Variants in PEBP4 observed in about 807,000 individuals in gnomAD.
PEBP4 encodes the protein phosphatidylethanolamine binding protein 4.
In PEBP4, 22 loss-of-function variants were observed where a neutral mutation model predicts 23.9. That is an observed-to-expected ratio of 0.92 (90% CI 0.66 to 1.31). PEBP4 has a LOEUF of 1.31. PEBP4 is among the 40% of genes most tolerant of loss of function. PEBP4 has a pLI of 0.00. For synonymous variants in PEBP4, 112 were observed against 99.3 expected, an observed-to-expected ratio of 1.13 and a Z score of -0.76; for missense variants, 324 against 281.7, an observed-to-expected ratio of 1.15 and a Z score of -1.07.
chr8:22,766,152 G>T lies in PEBP4; in HGVS notation c.358-38932C>A, dbSNP rs139454417. 1.7e-3 allele frequency among the ~76,000 whole-genome samples: 252 copies of T among 152,350 alleles called. 2 individuals carry two copies. The highest frequency in any genetic ancestry group is 5.8e-3 in the African/African-American group (243 of 41,582). ...CTCCCTTCCTCACCCTCACGCCACAGTCTTGGCCAGTCTTGTCACGGTGAG... is the reference window on the plus strand; with the variant it reads ...CTCCCTTCCTCACCCTCACGCCACATTCTTGGCCAGTCTTGTCACGGTGAG... On this transcript the variant is annotated intron_variant, in intron 4 of 6. Coordinates refer to ENST00000256404, the MANE Select transcript of PEBP4 (RefSeq NM_144962.3).
intron 3 of PEBP4, among the ~76,000 whole-genome samples, chr8:22,890,535 A>G (rs1259814333): frequency 6.6e-6 from 1 of 152,232 alleles, no homozygotes; most frequent in Non-Finnish European, 1.5e-5. Flanking sequence ...TCAAACTCCC[A>G]GCTTCCCCTC....
chr8:22,938,306 G>A (rs753977708), intron 1 of PEBP4, among the ~76,000 whole-genome samples: 1 of 151,920 alleles, frequency 6.6e-6, no homozygotes, highest in Non-Finnish European at 1.5e-5. Flanking sequence ...CCACCTCTAG[G>A]CCTTTTTGCA....
chr8:22,800,287 G>A (rs188909053), intron 4 of PEBP4, among the ~76,000 whole-genome samples: 7 of 152,164 alleles, frequency 4.6e-5, no homozygotes, highest in Admixed American at 1.3e-4. Flanking sequence ...GCAGGAGACA[G>A]AAAGAGAAAT....
chr8:22,713,649 G>C (rs951337092), intron 6 of PEBP4, 113 bp from the exon 7 acceptor site: 1 of 1,449,276 alleles, frequency 6.9e-7, no homozygotes, highest in East Asian at 2.3e-5. Flanking sequence ...CAGGTGATGC[G>C]ATGGCCATGG....
chr8:22,787,906 G>C lies in PEBP4; in HGVS notation c.357+29731C>G, dbSNP rs1256646879. 2.0e-5 allele frequency among the ~76,000 whole-genome samples: 3 copies of C among 152,128 alleles called. No individual in the cohort carries two copies. The East Asian group carries it at 5.8e-4, about 29-fold the overall frequency. On this transcript the variant is annotated intron_variant, in intron 4 of 6. Transcript: ENST00000256404. ...GAAGATCTGGGCAGATGAAGGGGTCGAGGTGAGGGCTGGGGAAGGGAAGGG... is the reference window on the plus strand; with the variant it reads ...GAAGATCTGGGCAGATGAAGGGGTCCAGGTGAGGGCTGGGGAAGGGAAGGG...
intron 6 of PEBP4, among the ~76,000 whole-genome samples, chr8:22,722,494 G>C (rs987116531): frequency 5.9e-5 from 9 of 152,352 alleles, no homozygotes; most frequent in African/African-American, 2.2e-4. Flanking sequence ...GTTCTGGAGG[G>C]AAAGGTATGA....
intron 3 of PEBP4, among the ~76,000 whole-genome samples, chr8:22,832,213 A>G (rs1807098033): frequency 6.6e-6 from 1 of 152,178 alleles, no homozygotes; most frequent in Non-Finnish European, 1.5e-5. Flanking sequence ...TCCAAAATGC[A>G]TGTGTGGAAG....
chr8:22,848,887 C>G (rs1248631494), intron 3 of PEBP4, among the ~76,000 whole-genome samples: 3 of 152,200 alleles, frequency 2.0e-5, no homozygotes, highest in Non-Finnish European at 2.9e-5. Context: ...TGTCTAGTCT[C>G]TAAACTCTTC....
chr8:22,912,343 G>T (rs1207036659), intron 3 of PEBP4, among the ~76,000 whole-genome samples: 1 of 152,212 alleles, frequency 6.6e-6, no homozygotes, highest in African/African-American at 2.4e-5. Flanking sequence ...CTCACTACCG[G>T]AACAGTACCT....
At chr8:22,914,582 C>T (rs1330121331) in intron 3 of PEBP4, among the ~76,000 whole-genome samples, 1 of 152,206 alleles carries the variant, frequency 6.6e-6, no homozygotes, top group Non-Finnish European at 1.5e-5. Context: ...TTCCTGTGGC[C>T]TCACCCAACC....
Position 22,733,261 on chromosome 8 carries a change from T to C in PEBP4, c.358-6041A>G, listed in dbSNP as rs184335221. ...TGAGACGCTCGGCACACAGTGGGTATAGTCCAAGTCCGTGGGCGCCCTGGC... is the reference window on the plus strand; with the variant it reads ...TGAGACGCTCGGCACACAGTGGGTACAGTCCAAGTCCGTGGGCGCCCTGGC... On this transcript the variant is annotated intron_variant, in intron 4 of 6. Transcript: ENST00000256404. Among the ~76,000 whole-genome samples the C allele has an allele frequency of 2.8e-4, 43 of 152,298 alleles. No individual in the cohort carries two copies. In the East Asian group the frequency reaches 8.3e-3, roughly 29 times the overall value.
intron 3 of PEBP4, among the ~76,000 whole-genome samples, chr8:22,904,637 A>G (rs1184664396): frequency 6.6e-6 from 1 of 152,206 alleles, no homozygotes; most frequent in African/African-American, 2.4e-5. Context: ...AGGAGATCCA[A>G]TGTTAACATT....
Position 22,920,197 on chromosome 8 carries a change from G to C in PEBP4, c.245C>G (p.Pro82Arg), listed in dbSNP as rs74484614. 6.2e-7 allele frequency: 1 copy of C among 1,610,824 alleles called. No individual in the cohort carries two copies. Among genetic ancestry groups the C allele is most frequent in the East Asian group, 2.2e-5 (1 of 44,822 alleles). ...TSWMEPIVKF[P>R]GAVDGATYIL... ...CTGCTCACTCACGTCCACGGCCCCC[G>C]GGAACTTGACTATCGGCTCCATCCA... The change falls in exon 3 of 7, where the codon CCG becomes CGG. Residue 82 changes from proline to arginine, a missense_variant. Physicochemically the swap from Pro to Arg is moderately radical, Grantham distance 103. Transcript: ENST00000256404.
chr8:22,726,396 C>T (rs17088590), intron 5 of PEBP4, among the ~76,000 whole-genome samples: 2,244 of 152,286 alleles, frequency 0.015, 55 homozygotes, highest in Admixed American at 0.053. Flanking sequence ...CAGTTCTGTG[C>T]GGACAAGTCT....
intron 3 of PEBP4, among the ~76,000 whole-genome samples, chr8:22,829,029 A>G (rs949402613): frequency 6.6e-6 from 1 of 152,200 alleles, no homozygotes; most frequent in African/African-American, 2.4e-5. Flanking sequence ...GGGGACCTCC[A>G]GGCCACTGGT....
chr8:22,862,178 C>T (rs977657589), intron 3 of PEBP4, among the ~76,000 whole-genome samples: 1 of 152,026 alleles, frequency 6.6e-6, no homozygotes, highest in East Asian at 1.9e-4. Context: ...CCACAGGAGT[C>T]GGGGGCCTGG....
intron 4 of PEBP4, among the ~76,000 whole-genome samples, chr8:22,785,597 G>A (rs1226078000): frequency 6.6e-6 from 1 of 152,212 alleles, no homozygotes; most frequent in Non-Finnish European, 1.5e-5. Context: ...AGCCCAGAGA[G>A]GGAGGCAGGG....
chr8:22,820,674 A>G (rs1806840736), intron 3 of PEBP4, among the ~76,000 whole-genome samples: 1 of 152,188 alleles, frequency 6.6e-6, no homozygotes, highest in Admixed American at 6.5e-5. Context: ...GTAAAGTATC[A>G]GGAAAAGCAC....
chr8:22,912,510 G>A (rs1808960473), intron 3 of PEBP4, among the ~76,000 whole-genome samples: 1 of 152,224 alleles, frequency 6.6e-6, no homozygotes, highest in African/African-American at 2.4e-5. Context: ...GTAGTTGACT[G>A]CAAGCCAGGG....
Sources: gnomAD v4.1 joint callset for allele counts (sites outside exome capture counted in the v4.1 genomes callset) on GRCh38, gnomAD v4.1.1 for gene constraint, MANE v1.5 for transcripts, NCBI Gene and HGNC (gene_info 2026-07-23, HGNC 2026-07-21) for gene names.